WBP2NL: variants seen among roughly 807,000 people sequenced by gnomAD.
The protein encoded by WBP2NL is postacrosomal sheath WW domain-binding protein.
A neutral mutation model predicts 23.3 loss-of-function variants in WBP2NL; 27 were observed. The ratio of observed to expected loss-of-function variants is 1.16; its 90% CI spans 0.85 to 1.60. The LOEUF (loss-of-function observed/expected upper bound fraction) is 1.60, where lower values mean the gene tolerates loss of function less well. WBP2NL is among the 40% of genes most tolerant of loss of function. The pLI is 0.00. For missense variants in WBP2NL, 370 were observed against 389.5 expected, an observed-to-expected ratio of 0.95 and a Z score of 0.42; for synonymous variants, 151 against 145.9, an observed-to-expected ratio of 1.03 and a Z score of -0.25.
At chr22:42,058,163 A>T (rs1008328526) in intron 8 of WBP2NL, 2 of 151,248 alleles carry the variant, frequency 1.3e-5, no homozygotes, top group African/African-American at 4.9e-5. Flanking sequence ...TGATCCGCCT[A>T]CCTCAGCCTC....
In WBP2NL at chr22:41,998,832, A is replaced by G. The variant is rs540233537; in HGVS notation, c.14A>G (p.Gln5Arg). 16 of 1,611,384 alleles carry G rather than the reference A, an allele frequency of 9.9e-6. No homozygotes were observed. The highest frequency in any genetic ancestry group is 7.7e-5 in the South Asian group (7 of 90,884). Residue 5 changes from glutamine to arginine, a missense_variant, in exon 1 of 6, where the codon CAG becomes CGG. Physicochemically the swap from Gln to Arg is conservative, Grantham distance 43. Transcript: ENST00000328823. The part of the protein sequence containing the change: MAVN[Q>R]SHTENRRGAL... ...GCCCGAAGCAAGATGGCGGTGAATC[A>G]GAGCCACACCGAGAACCGCCGCGGA...
chr22:42,046,088 T>C (rs1319794618), intron 8 of WBP2NL, among the ~76,000 whole-genome samples: 1 of 152,236 alleles, frequency 6.6e-6, no homozygotes, highest in African/African-American at 2.4e-5. Context: ...TTTCTATGTG[T>C]GAAAGGTCCC....
chr22:42,025,981 C>T (rs776275815), intron 5 of WBP2NL, among the ~76,000 whole-genome samples: 1 of 152,068 alleles, frequency 6.6e-6, no homozygotes, highest in Non-Finnish European at 1.5e-5. Context: ...TTTAAAAAAT[C>T]ATATGGCTGG....
Position 41,998,807 on chromosome 22 carries a change from G to T in WBP2NL, c.-12G>T, listed in dbSNP as rs1450862449. 1 of 1,607,882 alleles carries T rather than the reference G, an allele frequency of 6.2e-7. No individual in the cohort carries two copies. Among genetic ancestry groups the T allele is most frequent in the Non-Finnish European group, 8.5e-7 (1 of 1,176,424 alleles). On this transcript the variant is annotated 5_prime_UTR_variant, in exon 1 of 6. Coordinates refer to ENST00000328823, the MANE Select transcript of WBP2NL (RefSeq NM_152613.3). ...CTTTCCATCTACGGGGCGGCAGGAG[G>T]CCCGAAGCAAGATGGCGGTGAATCA...
rs1035376117 is a variant in WBP2NL, at chr22:42,027,628, G to A, written c.*447G>A. On this transcript the variant is annotated 3_prime_UTR_variant, in exon 6 of 6. Transcript: ENST00000328823. ...AATAGTAAGAGTGTTATAAATTACG[G>A]TGGATCCACAAAATGGAGTATTATA... The A allele has an allele frequency of 1.5e-5, 4 of 266,562 alleles. No individual in the cohort carries two copies. The highest frequency in any genetic ancestry group is 2.2e-5 in the African/African-American group (1 of 45,512). 16.5% of individuals were successfully genotyped at this position (266,562 alleles called of 1,614,324 possible). A position where few individuals can be genotyped will look rare whatever the true frequency, so the allele number is the denominator to read the frequency against.
chr22:42,055,161 G>A (rs999992738), intron 8 of WBP2NL, among the ~76,000 whole-genome samples: 1 of 151,766 alleles, frequency 6.6e-6, no homozygotes, highest in African/African-American at 2.4e-5. Context: ...TGCATCAACA[G>A]GCACCCACCA....
At chr22:42,006,244 G>A (rs1231095035) in intron 1 of WBP2NL, among the ~76,000 whole-genome samples, 3 of 147,720 alleles carry the variant, frequency 2.0e-5, no homozygotes, top group Admixed American at 1.3e-4. Flanking sequence ...TTTTCGAGAC[G>A]GAGTCTCGCT....
intron 5 of WBP2NL, among the ~76,000 whole-genome samples, chr22:42,024,104 GT>G: frequency 6.6e-6 from 1 of 152,242 alleles, no homozygotes. Flanking sequence ...GACCTTTTGT[GT>G]TTGGCTTATC....
intron 8 of WBP2NL, among the ~76,000 whole-genome samples, chr22:42,042,075 TG>T (rs1220291792): frequency 1.3e-5 from 2 of 152,226 alleles, no homozygotes; most frequent in African/African-American, 4.8e-5. Context: ...AATGACAAGT[TG>T]CTTTTTTCTT....
chr22:42,018,880 T>C (rs1923595015), intron 1 of WBP2NL, among the ~76,000 whole-genome samples: 1 of 148,706 alleles, frequency 6.7e-6, no homozygotes, highest in African/African-American at 2.5e-5. Context: ...ATAGTAGCAG[T>C]AGCAGCAGCT....
At chr22:42,050,085 G>A (rs748717098) in intron 8 of WBP2NL, among the ~76,000 whole-genome samples, 6 of 152,094 alleles carry the variant, frequency 3.9e-5, no homozygotes, top group Non-Finnish European at 5.9e-5. Context: ...TTGGGAGGCC[G>A]AAGTGGGAAG....
At chr22:42,020,555 T>A (rs1602458633) in intron 4 of WBP2NL, among the ~76,000 whole-genome samples, 1 of 152,214 alleles carries the variant, frequency 6.6e-6, no homozygotes, top group East Asian at 1.9e-4. Flanking sequence ...AGTGGGAGCT[T>A]ACAGCCAGAC....
rs1924594465 is a variant in WBP2NL at position 42,027,180 on chromosome 22, A to C, written c.929A>C (p.Ter310SerextTer5). Residue 310 changes from the stop codon to serine, a stop_lost, in exon 6 of 6, where the codon TAA becomes TCA. Transcript: ENST00000328823. ...PSASSSQVHS* is the reference protein window; with the variant it reads ...PSASSSQVHSS ...GCCTCCTCTTCTCAGGTCCATTCTT[A>C]ACCTTCTAAGATGTAAACCTTGAAG... 6.2e-7 allele frequency: 1 copy of C among 1,605,886 alleles called. No homozygotes were observed. Among genetic ancestry groups the C allele is most frequent in the Non-Finnish European group, 8.5e-7 (1 of 1,176,664 alleles).
chr22:42,049,303 G>GA (rs964390937), intron 8 of WBP2NL, among the ~76,000 whole-genome samples: 27 of 150,464 alleles, frequency 1.8e-4, no homozygotes, highest in South Asian at 1.5e-3. Context: ...TATTTCAAAA[G>GA]AAAAAAAAAT....
chr22:42,052,973 T>A (rs1172593139), intron 8 of WBP2NL, among the ~76,000 whole-genome samples: 2 of 152,220 alleles, frequency 1.3e-5, no homozygotes, highest in African/African-American at 4.8e-5. Context: ...AGAAACCCCA[T>A]AACCATTAGC....
At chr22:42,045,972 A>G (rs1367194579) in intron 8 of WBP2NL, among the ~76,000 whole-genome samples, 1 of 152,208 alleles carries the variant, frequency 6.6e-6, no homozygotes, top group African/African-American at 2.4e-5. Flanking sequence ...TTTTATAGGT[A>G]TGGGTTTTTT....
At chr22:42,001,941 G>A (rs1235238761) in intron 1 of WBP2NL, 1 of 1,431,342 alleles carries the variant, frequency 7.0e-7, no homozygotes, top group Non-Finnish European at 9.3e-7. Flanking sequence ...GGAGTCCTTG[G>A]CGAAGGACAC....
intron 1 of WBP2NL, among the ~76,000 whole-genome samples, chr22:42,012,302 G>A (rs776332313): frequency 3.3e-5 from 5 of 151,834 alleles, no homozygotes; most frequent in Non-Finnish European, 7.4e-5. Context: ...ATAAAGTTAG[G>A]TTGTCGATTT....
chr22:42,009,658 C>G (rs1251432872), intron 1 of WBP2NL, among the ~76,000 whole-genome samples: 6 of 152,108 alleles, frequency 3.9e-5, no homozygotes, highest in African/African-American at 1.2e-4. Context: ...TGTTTCTATT[C>G]TAGTCCATTG....
Sources: allele counts gnomAD v4.1 joint callset (sites outside exome capture counted in the v4.1 genomes callset), GRCh38; gene constraint gnomAD v4.1.1; transcripts MANE v1.5; gene names NCBI Gene and HGNC (gene_info 2026-07-23, HGNC 2026-07-21).